Variants in AIG1 observed in about 807,000 individuals in gnomAD.
AIG1 encodes androgen induced 1, also known as androgen-induced gene 1 protein.
AIG1 carries 23 observed loss-of-function variants against 31.4 expected under a neutral mutation model. The ratio of observed to expected loss-of-function variants is 0.73; its 90% CI spans 0.53 to 1.04. AIG1 has a LOEUF of 1.04. Among genes scored for constraint, AIG1 ranks in the 50% least tolerant of loss-of-function variants. The pLI is 0.00. For missense variants in AIG1, 274 were observed against 295.0 expected (o/e 0.93, Z 0.52); for synonymous variants, 100 against 110.5 (o/e 0.90, Z 0.60).
At chr6:143,101,202 A>G (rs923822954) in intron 1 of AIG1, among the ~76,000 whole-genome samples, 1 of 151,954 alleles carries the variant, frequency 6.6e-6, no homozygotes, top group Non-Finnish European at 1.5e-5. Flanking sequence ...AAGGAGAGAA[A>G]ATGAGGTAAT....
intron 1 of AIG1, among the ~76,000 whole-genome samples, chr6:143,107,955 AG>A (rs1403404312): frequency 5.3e-5 from 8 of 152,220 alleles, no homozygotes; most frequent in Non-Finnish European, 1.0e-4. Context: ...ATTTTACATA[AG>A]ACTTTCTCTG....
intron 3 of AIG1, chr6:143,187,595 C>T: frequency 1.3e-6 from 2 of 1,536,072 alleles, no homozygotes; most frequent in Non-Finnish European, 1.7e-6. Flanking sequence ...GGAGAGAAGG[C>T]AATTAAAAGA....
chr6:143,098,428 C>T (rs1282977529), intron 1 of AIG1, among the ~76,000 whole-genome samples: 2 of 152,192 alleles, frequency 1.3e-5, no homozygotes, highest in East Asian at 1.9e-4. Flanking sequence ...TCTTCTTAGC[C>T]TCCCTTACTG....
chr6:143,128,968 A>G (rs113059759), intron 1 of AIG1, among the ~76,000 whole-genome samples: 23 of 152,330 alleles, frequency 1.5e-4, no homozygotes, highest in African/African-American at 5.1e-4. Flanking sequence ...TAACCCAAAC[A>G]TGTCCTCTTT....
In AIG1 at chr6:143,166,447, C is replaced by T. The variant is rs1786947914; in HGVS notation, c.399+1264C>T. ...CCTTCTCAGTCTTTCCTGACAAATT[C>T]CTGCTAGCTTAGTTCCTATCTTCTT... On this transcript the variant is annotated intron_variant, in intron 3 of 5. Coordinates refer to ENST00000357847, the MANE Select transcript of AIG1 (RefSeq NM_016108.4). 2.0e-5 allele frequency among the ~76,000 whole-genome samples: 3 copies of T among 152,322 alleles called. No individual in the cohort carries two copies. The South Asian group carries it at 6.2e-4, about 32-fold the overall frequency.
At chr6:143,315,913 GA>G (rs1284324204) in intron 4 of AIG1, among the ~76,000 whole-genome samples, 2 of 151,710 alleles carry the variant, frequency 1.3e-5, no homozygotes, top group East Asian at 1.9e-4. Context: ...ACAGATAGGG[GA>G]AAAAAAGAGG....
Position 143,307,925 on chromosome 6 carries a change from C to T in AIG1, c.515+23700C>T, listed in dbSNP as rs576287643. On this transcript the variant is annotated intron_variant, in intron 4 of 5. Coordinates refer to ENST00000357847, the MANE Select transcript of AIG1 (RefSeq NM_016108.4). The stretch of plus-strand genomic sequence containing the variant: ...CTGGGCAATGGCGGGCGCCCCTCCC[C>T]CAGCCTCGCTGCCGCCTTGCAGTTT... 1.9e-3 allele frequency among the ~76,000 whole-genome samples: 293 copies of T among 152,364 alleles called. 1 individual carries two copies. The highest frequency in any genetic ancestry group is 6.8e-3 in the African/African-American group (283 of 41,580).
At chr6:143,196,437 G>T (rs1161275366) in intron 3 of AIG1, among the ~76,000 whole-genome samples, 1 of 151,496 alleles carries the variant, frequency 6.6e-6, no homozygotes, top group Non-Finnish European at 1.5e-5. Flanking sequence ...ACGACTTAGA[G>T]TATATGTCTT....
intron 4 of AIG1, among the ~76,000 whole-genome samples, chr6:143,312,619 T>G (rs1466667801): frequency 6.6e-6 from 1 of 151,974 alleles, no homozygotes; most frequent in Admixed American, 6.6e-5. Flanking sequence ...TAAGAAACAT[T>G]GGGGAAATTC....
At chr6:143,226,985 C>CTTTTTTT (rs11431811) in intron 3 of AIG1, among the ~76,000 whole-genome samples, 14 of 113,594 alleles carry the variant, frequency 1.2e-4, no homozygotes, top group African/African-American at 2.6e-4. Flanking sequence ...GAGTTTTTGT[C>CTTTTTTT]TTTTTTTTTT....
intron 3 of AIG1, among the ~76,000 whole-genome samples, chr6:143,194,285 A>G (rs1790039456): frequency 6.6e-6 from 1 of 152,284 alleles, no homozygotes; most frequent in East Asian, 1.9e-4. Context: ...AGAACTGTCA[A>G]ACACTCACAA....
intron 4 of AIG1, among the ~76,000 whole-genome samples, chr6:143,306,607 G>A (rs1037368029): frequency 2.4e-4 from 37 of 152,094 alleles, no homozygotes; most frequent in African/African-American, 8.7e-4. Flanking sequence ...TGGGTAACCC[G>A]ACCTTTCTCT....
At chr6:143,096,869 C>A (rs1779844501) in intron 1 of AIG1, among the ~76,000 whole-genome samples, 1 of 152,130 alleles carries the variant, frequency 6.6e-6, no homozygotes, top group East Asian at 1.9e-4. Context: ...AATACAATTG[C>A]AATTGCCTTA....
At chr6:143,165,282 C>A in intron 3 of AIG1, 99 bp downstream of exon 3, 4 of 906,324 alleles carry the variant, frequency 4.4e-6, no homozygotes, top group Non-Finnish European at 1.7e-6. Flanking sequence ...GCCTAAAAAG[C>A]CATGAAATCT....
At chr6:143,237,536 A>G (rs893779912) in intron 3 of AIG1, among the ~76,000 whole-genome samples, 1 of 152,208 alleles carries the variant, frequency 6.6e-6, no homozygotes, top group Non-Finnish European at 1.5e-5. Flanking sequence ...GAAAAGCAGG[A>G]TATTTAGTAT....
rs768822681 is a variant in AIG1 at position 143,329,062 on chromosome 6, CTTG to C, written c.516-4217_516-4215del. Among the ~76,000 whole-genome samples, 4 of 152,206 alleles carry C rather than the reference CTTG, an allele frequency of 2.6e-5. No individual in the cohort carries two copies. The East Asian group carries it at 5.8e-4, about 22-fold the overall frequency. ...AAGGAAACAAATGGTGAAAGCACAA[CTTG>C]TTAAGACAAGTGGATGCATCATTCA... On this transcript the variant is annotated intron_variant, in intron 4 of 5. Transcript: ENST00000357847. The surrounding 1 kb of genome is among the most constrained non-coding windows in gnomAD (Gnocchi z 4.9).
At chr6:143,200,664 C>G (rs1457533296) in intron 3 of AIG1, among the ~76,000 whole-genome samples, 2 of 152,298 alleles carry the variant, frequency 1.3e-5, no homozygotes, top group Middle Eastern at 3.4e-3. Flanking sequence ...TCCCTTGACT[C>G]TCTGAGTAAT....
At position 143,331,700 on chromosome 6, in the gene AIG1, A is replaced by C. The variant is rs933285974; in HGVS notation, c.516-1582A>C. 2.6e-5 allele frequency among the ~76,000 whole-genome samples: 4 copies of C among 151,684 alleles called. No individual in the cohort carries two copies. Among genetic ancestry groups the C allele is most frequent in the African/African-American group, 7.3e-5 (3 of 41,282 alleles). On this transcript the variant is annotated intron_variant, in intron 4 of 5. Transcript: ENST00000357847. This position sits in a 1 kb window ranked among gnomAD's most constrained non-coding sequence, Gnocchi z 4.1. ...TGTGTGTATCTGTGCTTTCTACATAAAAAGTGCAAAATTGTTTTACCACCA... is the reference window on the plus strand; with the variant it reads ...TGTGTGTATCTGTGCTTTCTACATACAAAGTGCAAAATTGTTTTACCACCA...
At chr6:143,236,746 C>T (rs936504173) in intron 3 of AIG1, among the ~76,000 whole-genome samples, 1 of 152,250 alleles carries the variant, frequency 6.6e-6, no homozygotes, top group South Asian at 2.1e-4. Context: ...AAAACGCCAC[C>T]CCCCAACTAA....
Sources: allele counts gnomAD v4.1 joint callset (sites outside exome capture counted in the v4.1 genomes callset), GRCh38; gene constraint gnomAD v4.1.1; non-coding constraint Gnocchi (gnomAD v3.1); transcripts MANE v1.5; gene names NCBI Gene and HGNC (gene_info 2026-07-23, HGNC 2026-07-21).